Variants in PRKCE observed in about 807,000 individuals in gnomAD.
PRKCE encodes the protein protein kinase C epsilon.
Under a neutral mutation model 85.4 loss-of-function variants are expected in PRKCE, and 16 were observed. The ratio of observed to expected loss-of-function variants is 0.19; its 90% CI spans 0.13 to 0.28. PRKCE has a LOEUF of 0.28. PRKCE is among the 10% of genes least tolerant of loss of function. The probability of loss-of-function intolerance (pLI) is 1.00; values close to 1 mark genes in which losing one functional copy is unlikely to be tolerated. For missense variants in PRKCE, 573 were observed against 975.2 expected (o/e 0.59, Z 5.49); for synonymous variants, 388 against 371.5 (o/e 1.04, Z -0.51).
Position 46,159,065 on chromosome 2 carries a change from A to C in PRKCE, c.1921-541A>C, listed in dbSNP as rs1677494852. 6.6e-6 allele frequency among the ~76,000 whole-genome samples: 1 copy of C among 152,204 alleles called. No homozygotes were observed. The highest frequency in any genetic ancestry group is 2.4e-5 in the African/African-American group (1 of 41,454). On this transcript the variant is annotated intron_variant, in intron 13 of 14. Transcript: ENST00000306156. The surrounding 1 kb of genome is among the most constrained non-coding windows in gnomAD (Gnocchi z 4.1). ...GCAAATTCAAACATAAAAACAGTGG[A>C]GAGGGGCTGGGTCCAGGAACAGGAA...
At chr2:46,023,477 T>A (rs748008127) in intron 10 of PRKCE, among the ~76,000 whole-genome samples, 64 of 152,242 alleles carry the variant, frequency 4.2e-4, no homozygotes, top group Non-Finnish European at 7.9e-4. Context: ...GTAGCACTTT[T>A]GTTTCTTAAT....
chr2:46,053,704 A>G (rs1708998205), intron 10 of PRKCE, among the ~76,000 whole-genome samples: 1 of 152,156 alleles, frequency 6.6e-6, no homozygotes, highest in Non-Finnish European at 1.5e-5. Flanking sequence ...AAGGCTGAAT[A>G]ATACTCCATT....
At chr2:46,035,537 G>C (rs932171769) in intron 10 of PRKCE, among the ~76,000 whole-genome samples, 1 of 152,198 alleles carries the variant, frequency 6.6e-6, no homozygotes, top group Non-Finnish European at 1.5e-5. Flanking sequence ...CCAGACTTAG[G>C]GAAGGAGTGT....
At chr2:45,989,648 T>TAA (rs34422241) in intron 6 of PRKCE, among the ~76,000 whole-genome samples, 30,676 of 147,174 alleles carry the variant, frequency 0.21, 3,922 homozygotes, top group East Asian at 0.54. Flanking sequence ...TTTCCTTGTT[T>TAA]AAAAAAAAAA....
At chr2:45,713,983 T>C (rs574324161) in intron 1 of PRKCE, among the ~76,000 whole-genome samples, 1 of 152,370 alleles carries the variant, frequency 6.6e-6, no homozygotes, top group Admixed American at 6.5e-5. Flanking sequence ...GGGAAGGGCA[T>C]TGACATAAAG....
At chr2:45,701,156 T>C (rs1678608908) in intron 1 of PRKCE, among the ~76,000 whole-genome samples, 1 of 152,196 alleles carries the variant, frequency 6.6e-6, no homozygotes, top group African/African-American at 2.4e-5. Context: ...AGAATATATT[T>C]ATACCTAGAA....
chr2:46,001,496 C>T lies in PRKCE; in HGVS notation c.916C>T (p.Leu306=), dbSNP rs1704678197. The T allele has an allele frequency of 1.3e-6, 2 of 1,599,426 alleles. No homozygotes were observed. Among genetic ancestry groups the T allele is most frequent in the Non-Finnish European group, 8.5e-7 (1 of 1,179,802 alleles). Residue 306 remains leucine, a synonymous_variant, in exon 7 of 15, where the codon CTG becomes TTG. Transcript: ENST00000306156. This position sits in a 1 kb window ranked among gnomAD's most constrained non-coding sequence, Gnocchi z 4.4. ...AGGAATCGCCAAAGTACTGGCCGAC[C>T]TGGGCGTTACCCCAGACAAAATCAC... ...ARGIAKVLAD[L]GVTPDKITNS...
At chr2:46,123,603 C>T (rs1008828802) in intron 11 of PRKCE, among the ~76,000 whole-genome samples, 1 of 152,140 alleles carries the variant, frequency 6.6e-6, no homozygotes, top group Non-Finnish European at 1.5e-5. Context: ...ATTCTCATGC[C>T]CCAACCTCCC....
At chr2:46,130,359 CTT>C (rs1260360883) in intron 11 of PRKCE, among the ~76,000 whole-genome samples, 2 of 151,642 alleles carry the variant, frequency 1.3e-5, no homozygotes, top group Non-Finnish European at 2.9e-5. Context: ...ATCATACATA[CTT>C]TGTTATACAT....
chr2:46,023,040 G>C (rs550414048), intron 10 of PRKCE, among the ~76,000 whole-genome samples: 2 of 135,456 alleles, frequency 1.5e-5, no homozygotes, highest in African/African-American at 5.9e-5. Flanking sequence ...CCGAGATTGC[G>C]CCACTGCAGT....
chr2:45,671,400 A>T (rs1212409908), intron 1 of PRKCE, among the ~76,000 whole-genome samples: 1 of 152,234 alleles, frequency 6.6e-6, no homozygotes, highest in Non-Finnish European at 1.5e-5. Context: ...AGTCTCCCAA[A>T]CACACTAGGT....
At chr2:45,777,939 A>G (rs1685878414) in intron 1 of PRKCE, among the ~76,000 whole-genome samples, 1 of 152,112 alleles carries the variant, frequency 6.6e-6, no homozygotes, top group African/African-American at 2.4e-5. Flanking sequence ...GGCCCCAGGG[A>G]CTCAAAGTCA....
In PRKCE at chr2:45,697,380, CCTT is replaced by C. The variant is rs138629717; in HGVS notation, c.348+44935_348+44937del. On this transcript the variant is annotated intron_variant, in intron 1 of 14. Transcript: ENST00000306156. The surrounding 1 kb of genome is among the most constrained non-coding windows in gnomAD (Gnocchi z 4.2). ...TCTCTGCCTCTTAATGGCGCTCTGA[CCTT>C]CTATTGTTTTTGGCCAAAATATGAG... 0.14 allele frequency among the ~76,000 whole-genome samples: 21,996 copies of C among 152,048 alleles called. 1,871 individuals are homozygous for C. The highest frequency in any genetic ancestry group is 0.23 in the Middle Eastern group (67 of 294).
At chr2:45,875,763 A>C (rs1007083273) in intron 2 of PRKCE, among the ~76,000 whole-genome samples, 3 of 152,146 alleles carry the variant, frequency 2.0e-5, no homozygotes, top group African/African-American at 7.2e-5. Flanking sequence ...TTTCACCTAA[A>C]AGGGGCTCCA....
Position 46,001,613 on chromosome 2 carries a change from AGGGT to A in PRKCE, c.966+69_966+72del. ...CTAGCATTTCTGTGCTGACTTCCAG[AGGGT>A]GCTCTGGAGTGAGGTAATAAGATTC... On this transcript the variant is annotated intron_variant, in intron 7 of 14. Transcript: ENST00000306156. The surrounding 1 kb of genome is among the most constrained non-coding windows in gnomAD (Gnocchi z 4.4). 1 of 1,536,220 alleles carries A rather than the reference AGGGT, an allele frequency of 6.5e-7. No homozygotes were observed. Among genetic ancestry groups the A allele is most frequent in the Non-Finnish European group, 8.8e-7 (1 of 1,142,228 alleles).
At chr2:46,060,109 A>AT (rs1666957539) in intron 10 of PRKCE, among the ~76,000 whole-genome samples, 2 of 152,338 alleles carry the variant, frequency 1.3e-5, no homozygotes, top group Non-Finnish European at 2.9e-5. Flanking sequence ...TTCAATGTGA[A>AT]TTATTCTGTA....
At chr2:45,843,301 G>A (rs1275245702) in intron 2 of PRKCE, among the ~76,000 whole-genome samples, 2 of 152,236 alleles carry the variant, frequency 1.3e-5, no homozygotes, top group African/African-American at 2.4e-5. Context: ...CCAATAAAAC[G>A]GGCGTTTTTG....
intron 10 of PRKCE, among the ~76,000 whole-genome samples, chr2:46,038,653 A>T (rs1416844566): frequency 8.3e-5 from 1 of 12,056 alleles, no homozygotes. Context: ...TAACAACTTC[A>T]CACACACACA....
At chr2:46,117,700 C>T (rs1444775703) in intron 11 of PRKCE, among the ~76,000 whole-genome samples, 2 of 152,150 alleles carry the variant, frequency 1.3e-5, no homozygotes, top group South Asian at 2.1e-4. Flanking sequence ...ATCTACCTCA[C>T]GGGATTACTG....
Sources: gnomAD v4.1 joint callset for allele counts (sites outside exome capture counted in the v4.1 genomes callset) on GRCh38, gnomAD v4.1.1 for gene constraint, Gnocchi (gnomAD v3.1) non-coding constraint, MANE v1.5 for transcripts, NCBI Gene and HGNC (gene_info 2026-07-23, HGNC 2026-07-21) for gene names.